Variants in CEP76 observed in about 807,000 individuals in gnomAD.
The protein encoded by CEP76 is centrosomal protein 76.
CEP76 carries 55 observed loss-of-function variants against 83.3 expected under a neutral mutation model. That is an observed-to-expected ratio of 0.66 (90% CI 0.53 to 0.83). The LOEUF is 0.83. Among genes scored for constraint, CEP76 ranks in the 40% least tolerant of loss-of-function variants. The probability of loss-of-function intolerance (pLI) is 0.00; values close to 1 mark genes in which losing one functional copy is unlikely to be tolerated. For missense variants in CEP76, 694 were observed against 799.5 expected, an observed-to-expected ratio of 0.87 and a Z score of 1.59; for synonymous variants, 270 against 274.5, an observed-to-expected ratio of 0.98 and a Z score of 0.16.
intron 7 of CEP76, among the ~76,000 whole-genome samples, chr18:12,690,686 ACC>A (rs1410348551): frequency 4.0e-5 from 6 of 151,830 alleles, no homozygotes; most frequent in African/African-American, 1.2e-4. Flanking sequence ...CGATCTCCTG[ACC>A]TCTTGATCCA....
Position 12,697,271 on chromosome 18 carries a change from C to T in CEP76, c.658G>A (p.Gly220Ser). ...SYFLEWRSVL[G>S]SENGVTSLTV... ...AGACTGGTCACTCCATTTTCTGAGC[C>T]CAAAACCGATCGCCATTCCAGAAAA... is the stretch of plus-strand genomic sequence containing the variant. Residue 220 changes from glycine to serine, a missense_variant, in exon 5 of 12, where the codon GGC (glycine) becomes AGC (serine). By Grantham distance (56) the Gly-to-Ser change is moderately conservative (BLOSUM62 0). Transcript: ENST00000262127. 6.8e-6 allele frequency: 11 copies of T among 1,613,942 alleles called. No homozygotes were observed. Among genetic ancestry groups the T allele is most frequent in the Non-Finnish European group, 8.5e-6 (10 of 1,179,928 alleles).
At chr18:12,693,218 G>C (rs549172389) in intron 6 of CEP76, among the ~76,000 whole-genome samples, 1 of 152,130 alleles carries the variant, frequency 6.6e-6, no homozygotes, top group Non-Finnish European at 1.5e-5. Flanking sequence ...TTATAAATAT[G>C]ACAGTGGAAA....
chr18:12,680,766 G>A lies in CEP76; in HGVS notation c.1185C>T (p.Ala395=), dbSNP rs752981888. The A allele has an allele frequency of 6.2e-7, 1 of 1,613,776 alleles. No homozygotes were observed. The highest frequency in any genetic ancestry group is 1.1e-5 in the South Asian group (1 of 91,072). Residue 395 remains alanine, a synonymous_variant, in exon 9 of 12, where the codon GCC becomes GCT. Coordinates refer to ENST00000262127, the MANE Select transcript of CEP76 (RefSeq NM_024899.4). ...CSLLLGYGLE[A]FVCVGTKAKG... ...TTGCCTTGGTCCCAACACAAACAAA[G>A]GCTTCTAATCCATATCCAAGAAGAA...
intron 8 of CEP76, among the ~76,000 whole-genome samples, chr18:12,684,088 G>A (rs113680977): frequency 0.014 from 2,164 of 151,034 alleles, 63 homozygotes; most frequent in African/African-American, 0.05. Flanking sequence ...GCAGTGGCGC[G>A]ATCTCAGCTC....
intron 8 of CEP76, chr18:12,685,555 A>T (rs1449674882): frequency 6.6e-6 from 1 of 152,218 alleles, no homozygotes; most frequent in Non-Finnish European, 1.5e-5. Context: ...GACGTGGTCA[A>T]GCTGATAGCA....
intron 3 of CEP76, 23 bp from the exon 4 acceptor site, chr18:12,699,226 T>C (rs757890523): frequency 1.8e-5 from 26 of 1,461,888 alleles, no homozygotes; most frequent in Non-Finnish European, 2.4e-5. Context: ...GCAATATATA[T>C]GAGGAAACTG....
chr18:12,689,679 C>T (rs1468954495), intron 7 of CEP76, among the ~76,000 whole-genome samples: 1 of 152,154 alleles, frequency 6.6e-6, no homozygotes, highest in East Asian at 1.9e-4. Context: ...TTCACTGCCT[C>T]ACTCCATCCT....
At chr18:12,681,213 AT>A (rs1366432534) in intron 8 of CEP76, among the ~76,000 whole-genome samples, 1 of 150,496 alleles carries the variant, frequency 6.6e-6, no homozygotes, top group East Asian at 1.9e-4. Flanking sequence ...AAAAAAAAAA[AT>A]GTTTATAAAG....
rs760433005 is a variant in CEP76 at position 12,680,615 on chromosome 18, AAAC to A, written c.1289+44_1289+46del. 2.6e-5 allele frequency: 36 copies of A among 1,399,868 alleles called. No homozygotes were observed. The Middle Eastern group carries it at 5.6e-4, about 22-fold the overall frequency. 86.7% of individuals were successfully genotyped at this position (1,399,868 alleles called of 1,614,324 possible). On this transcript the variant is annotated intron_variant, in intron 9 of 11. Transcript: ENST00000262127. Reference sequence around the variant, plus strand: ...CCATCTCAAAAAAAAAAAAAAAAAAAAACTTATAACTTCATTTTAATATCCTTA... The same window carrying A: ...CCATCTCAAAAAAAAAAAAAAAAAAATTATAACTTCATTTTAATATCCTTA...
downstream of CEP76, among the ~76,000 whole-genome samples, chr18:12,668,349 T>C (rs2038848386): frequency 6.6e-6 from 1 of 151,856 alleles, no homozygotes; most frequent in Non-Finnish European, 1.5e-5. Flanking sequence ...CTCAGCACTT[T>C]GGGAACCCGA....
intron 1 of CEP76, 47 bp downstream of exon 1, chr18:12,702,439 G>A (rs747412434): frequency 3.4e-6 from 5 of 1,450,468 alleles, no homozygotes; most frequent in Admixed American, 3.4e-5. Flanking sequence ...AGGAGGGAAA[G>A]GTTATGGGTC....
intron 7 of CEP76, among the ~76,000 whole-genome samples, chr18:12,688,701 A>G (rs78421903): frequency 0.076 from 11,651 of 152,306 alleles, 613 homozygotes; most frequent in Middle Eastern, 0.16. Flanking sequence ...AGCTATTTAA[A>G]TTTTAATTAA....
At chr18:12,677,301 G>A (rs1250214399) in intron 10 of CEP76, among the ~76,000 whole-genome samples, 2 of 151,734 alleles carry the variant, frequency 1.3e-5, no homozygotes. Context: ...CTGGCAGCGT[G>A]GTAGCACATG....
In CEP76 at chr18:12,686,274, G is replaced by A. The variant is rs1482846500; in HGVS notation, c.1110C>T (p.Leu370=). ...GTGTGTATAATACCTTGTTTCTACA[G>A]AGAAAGGCCAGCAGAGTGCACCACT... The part of the protein sequence containing the change: ...QEQWCTLLAF[L]CRNKGDCEDH... The change falls in exon 8 of 12, where the codon CTC becomes CTT. Residue 370 remains leucine (L), a synonymous_variant. Transcript: ENST00000262127. 1 of 1,613,346 alleles carries A rather than the reference G, an allele frequency of 6.2e-7. No homozygotes were observed. Among genetic ancestry groups the A allele is most frequent in the Non-Finnish European group, 8.5e-7 (1 of 1,179,668 alleles).
intron 7 of CEP76, among the ~76,000 whole-genome samples, chr18:12,687,350 T>C (rs924348703): frequency 5.3e-5 from 8 of 152,168 alleles, no homozygotes; most frequent in African/African-American, 1.7e-4. Context: ...AACTCACTTA[T>C]TTACATTTGA....
chr18:12,668,562 C>T (rs1272557997), downstream of CEP76, among the ~76,000 whole-genome samples: 3 of 126,828 alleles, frequency 2.4e-5, no homozygotes, highest in Non-Finnish European at 4.7e-5. Flanking sequence ...TGCACCACTG[C>T]ACTCCAGCCT....
intron 7 of CEP76, 69 bp from the exon 8 acceptor site, chr18:12,686,519 AT>A: frequency 8.9e-7 from 1 of 1,129,854 alleles, no homozygotes. Flanking sequence ...TTTCAAATAC[AT>A]TAATGTAGGA....
intron 10 of CEP76, among the ~76,000 whole-genome samples, chr18:12,677,045 CTT>C (rs2039161132): frequency 6.6e-6 from 1 of 152,214 alleles, no homozygotes; most frequent in African/African-American, 2.4e-5. Context: ...CTCTTAATGT[CTT>C]CTCTTGATGA....
At chr18:12,680,865 A>C in intron 8 of CEP76, 37 bp from the exon 9 acceptor site, 1 of 1,552,530 alleles carries the variant, frequency 6.4e-7, no homozygotes, top group Non-Finnish European at 8.8e-7. Context: ...TCATTCTTCC[A>C]TATTATTTCC....
Sources: allele counts gnomAD v4.1 joint callset (sites outside exome capture counted in the v4.1 genomes callset), GRCh38; gene constraint gnomAD v4.1.1; transcripts MANE v1.5; gene names NCBI Gene and HGNC (gene_info 2026-07-23, HGNC 2026-07-21).